The following CPQ variants were observed in gnomAD, a reference collection of about 807,000 sequenced individuals.
CPQ encodes carboxypeptidase Q, also known as Ser-Met dipeptidase.
A neutral mutation model predicts 45.7 loss-of-function variants in CPQ; 37 were observed. The observed-to-expected ratio is 0.81, with a 90% CI of 0.62 to 1.07. The LOEUF is 1.07. Among genes scored for constraint, CPQ ranks in the 50% least tolerant of loss-of-function variants. CPQ has a pLI of 0.00. For missense variants in CPQ, 537 were observed against 572.9 expected (o/e 0.94, Z 0.64); for synonymous variants, 186 against 205.8 (o/e 0.90, Z 0.82).
intron 1 of CPQ, among the ~76,000 whole-genome samples, chr8:96,700,438 G>T (rs1451558918): frequency 2.0e-5 from 3 of 152,096 alleles, no homozygotes; most frequent in African/African-American, 7.2e-5. Flanking sequence ...TTTGGTGAGA[G>T]GGTTGAGTGC....
chr8:96,786,097 G>A (rs977568948), intron 2 of CPQ, among the ~76,000 whole-genome samples: 1 of 152,118 alleles, frequency 6.6e-6, no homozygotes, highest in Non-Finnish European at 1.5e-5. Context: ...TATTCACAGA[G>A]TTGTGCAGCC....
chr8:96,947,889 G>A (rs576103241), intron 4 of CPQ, among the ~76,000 whole-genome samples: 50 of 152,062 alleles, frequency 3.3e-4, no homozygotes, highest in Admixed American at 4.6e-4. Context: ...GACCAAACCC[G>A]GAAACCCTGC....
intron 4 of CPQ, among the ~76,000 whole-genome samples, chr8:96,912,014 A>G (rs1401716558): frequency 6.6e-6 from 1 of 152,142 alleles, no homozygotes; most frequent in Admixed American, 6.5e-5. Flanking sequence ...AACGGTGCCC[A>G]CCCATTAGCT....
intron 7 of CPQ, among the ~76,000 whole-genome samples, chr8:97,083,228 G>T (rs1419535574): frequency 6.6e-6 from 1 of 152,126 alleles, no homozygotes; most frequent in Admixed American, 6.6e-5. Flanking sequence ...TTTTCCAAGG[G>T]GGGTGAATAA....
intron 4 of CPQ, among the ~76,000 whole-genome samples, chr8:96,950,125 A>C (rs748672435): frequency 6.6e-6 from 1 of 152,128 alleles, no homozygotes; most frequent in Non-Finnish European, 1.5e-5. Flanking sequence ...AGACTATAAT[A>C]AAGGTTCATC....
At chr8:96,660,424 AG>A (rs1464494926) in intron 1 of CPQ, among the ~76,000 whole-genome samples, 1 of 152,226 alleles carries the variant, frequency 6.6e-6, no homozygotes, top group Non-Finnish European at 1.5e-5. Flanking sequence ...AAATAGTCAC[AG>A]TCCAAAGCCC....
chr8:96,794,120 G>C (rs1810891345), intron 2 of CPQ, among the ~76,000 whole-genome samples: 1 of 152,222 alleles, frequency 6.6e-6, no homozygotes, highest in South Asian at 2.1e-4. Flanking sequence ...TAGGGACTCT[G>C]TGTGGGGGCT....
intron 5 of CPQ, 34 bp from the exon 6 acceptor site, chr8:97,029,369 A>G (rs766610215): frequency 5.2e-6 from 8 of 1,544,204 alleles, no homozygotes; most frequent in East Asian, 4.8e-5. Flanking sequence ...AAAATCAACT[A>G]AAGTATCACT....
chr8:96,688,157 A>G (rs951211417), intron 1 of CPQ, among the ~76,000 whole-genome samples: 1 of 152,126 alleles, frequency 6.6e-6, no homozygotes, highest in Non-Finnish European at 1.5e-5. Context: ...CATTTAATCT[A>G]CATTTTGTAT....
rs1193951271 is a variant in CPQ at position 97,122,884 on chromosome 8, C to CAATAAAATAA, written c.1256-20099_1256-20090dup. Reference sequence around the variant, plus strand: ...TGGGCAACAGAGTGAAACTCTGTCTCAATAAAATAAAATAAAATAAAATAA... The same window carrying CAATAAAATAA: ...TGGGCAACAGAGTGAAACTCTGTCTCAATAAAATAAAATAAAATAAAATAAAATAAAATAA... On this transcript the variant is annotated intron_variant, in intron 7 of 7. Transcript: ENST00000220763. 1.3e-3 allele frequency among the ~76,000 whole-genome samples: 93 copies of CAATAAAATAA among 71,136 alleles called. 2 individuals carry two copies. Among genetic ancestry groups the CAATAAAATAA allele is most frequent in the South Asian group, 0.01 (23 of 2,282 alleles). 46.7% of individuals were successfully genotyped at this position (71,136 alleles called of 152,430 possible). A position where few individuals can be genotyped will look rare whatever the true frequency, so the allele number is the denominator to read the frequency against.
chr8:96,810,738 ATC>A (rs1326927978), intron 2 of CPQ, among the ~76,000 whole-genome samples: 5 of 152,194 alleles, frequency 3.3e-5, no homozygotes, highest in African/African-American at 1.2e-4. Context: ...TCCTTATAGC[ATC>A]TAGTTAGAAC....
chr8:96,978,631 C>A (rs2130384691), intron 5 of CPQ, among the ~76,000 whole-genome samples: 1 of 152,252 alleles, frequency 6.6e-6, no homozygotes, highest in South Asian at 2.1e-4. Context: ...TTAGCTTCCT[C>A]CCCGATGTAT....
At chr8:96,866,856 C>G (rs554868520) in intron 3 of CPQ, among the ~76,000 whole-genome samples, 2 of 152,214 alleles carry the variant, frequency 1.3e-5, no homozygotes, top group South Asian at 4.1e-4. Flanking sequence ...TTCCTGAATT[C>G]TTAGGCCTAG....
At chr8:96,807,651 C>G (rs866370386) in intron 2 of CPQ, among the ~76,000 whole-genome samples, 1 of 152,184 alleles carries the variant, frequency 6.6e-6, no homozygotes, top group Non-Finnish European at 1.5e-5. Context: ...TTTCACTACA[C>G]TATGTATACC....
chr8:96,955,462 A>G (rs913415389), intron 4 of CPQ, among the ~76,000 whole-genome samples: 8 of 152,162 alleles, frequency 5.3e-5, no homozygotes, highest in Admixed American at 2.0e-4. Flanking sequence ...GGTAATTTAC[A>G]GATTCAATGC....
In CPQ at chr8:96,871,748, A is replaced by G. The variant is rs564556305; in HGVS notation, c.642-8050A>G. Reference sequence around the variant, plus strand: ...TACTGTGTTCAGTTATTTTCTTTGAACTTAACATTATTTCATCTACATTTC... The same window carrying G: ...TACTGTGTTCAGTTATTTTCTTTGAGCTTAACATTATTTCATCTACATTTC... On this transcript the variant is annotated intron_variant, in intron 3 of 7. Transcript: ENST00000220763. 2.0e-5 allele frequency among the ~76,000 whole-genome samples: 3 copies of G among 151,880 alleles called. No individual in the cohort carries two copies. In the South Asian group the frequency reaches 6.2e-4, roughly 32 times the overall value.
intron 4 of CPQ, among the ~76,000 whole-genome samples, chr8:96,886,905 G>T (rs1382972866): frequency 6.6e-6 from 1 of 152,070 alleles, no homozygotes; most frequent in Non-Finnish European, 1.5e-5. Flanking sequence ...ACCGTCCTTT[G>T]TCGTCTCAGA....
At chr8:97,014,507 G>T (rs1586494815) in intron 5 of CPQ, among the ~76,000 whole-genome samples, 1 of 151,750 alleles carries the variant, frequency 6.6e-6, no homozygotes, top group Admixed American at 6.6e-5. Context: ...AAAACTAGCT[G>T]GGCATGGTGA....
At chr8:96,988,740 A>C (rs201921041) in intron 5 of CPQ, among the ~76,000 whole-genome samples, 1 of 152,102 alleles carries the variant, frequency 6.6e-6, no homozygotes, top group East Asian at 1.9e-4. Context: ...GCTAAGGGGG[A>C]AGGAGGTAAA....
Sources: gnomAD v4.1 joint callset for allele counts (sites outside exome capture counted in the v4.1 genomes callset) on GRCh38, gnomAD v4.1.1 for gene constraint, MANE v1.5 for transcripts, NCBI Gene and HGNC (gene_info 2026-07-23, HGNC 2026-07-21) for gene names.